ZAN: variants seen among roughly 807,000 people sequenced by gnomAD.
The protein encoded by ZAN is zonadhesin (gene/pseudogene).
A neutral mutation model predicts 286.2 loss-of-function variants in ZAN; 260 were observed. The observed-to-expected ratio is 0.91, with a 90% CI of 0.82 to 1.01. The LOEUF is 1.01. Among genes scored for constraint, ZAN ranks in the 50% least tolerant of loss-of-function variants. The pLI is 0.00. For synonymous variants in ZAN, 1,368 were observed against 1,417.5 expected (o/e 0.97, Z 0.79); for missense variants, 3,410 against 3,639.2 (o/e 0.94, Z 1.62).
intron 45 of ZAN, among the ~76,000 whole-genome samples, chr7:100,795,981 G>A (rs1237835096): frequency 6.6e-6 from 1 of 152,022 alleles, no homozygotes. Flanking sequence ...CTCAGAGGCT[G>A]AGGCACGAGA....
At position 100,773,758 on chromosome 7, in the gene ZAN, G is replaced by A. The variant is rs1307235207; in HGVS notation, c.5672G>A (p.Arg1891Lys). Residue 1891 changes from arginine to lysine, a missense_variant, in exon 31 of 48, where the codon AGG becomes AAG. Transcript: ENST00000613979. ...TGGTACACAGAGAACACCTGCACCAGGCTCTGCACCTGCTCCGTCCACAAC... is the reference window on the plus strand; with the variant it reads ...TGGTACACAGAGAACACCTGCACCAAGCTCTGCACCTGCTCCGTCCACAAC... ...ERWYTENTCT[R>K]LCTCSVHNNI... 6.2e-7 allele frequency: 1 copy of A among 1,611,688 alleles called. No homozygotes were observed. The highest frequency in any genetic ancestry group is 1.3e-5 in the African/African-American group (1 of 74,980).
At chr7:100,757,006 G>A (rs190242885) in intron 15 of ZAN, among the ~76,000 whole-genome samples, 3 of 152,258 alleles carry the variant, frequency 2.0e-5, no homozygotes, top group African/African-American at 7.2e-5. Flanking sequence ...GACCTCAGGC[G>A]ATCCGCCCGC....
intron 37 of ZAN, among the ~76,000 whole-genome samples, chr7:100,787,122 GA>G (rs904672352): frequency 0.016 from 2,353 of 147,974 alleles, 63 homozygotes; most frequent in African/African-American, 0.053. Flanking sequence ...AGTAGGTATT[GA>G]AAAAAAAAAG....
chr7:100,758,271 T>C lies in ZAN; in HGVS notation c.3379T>C (p.Cys1127Arg). Reference sequence around the variant, plus strand: ...CTGCTGGCCCGGCAGTCGGGTCGAGTGCCAGATCTCTCAGTGTGGGACACA... The same window carrying C: ...CTGCTGGCCCGGCAGTCGGGTCGAGCGCCAGATCTCTCAGTGTGGGACACA... ...CRCWPGSRVE[C>R]QISQCGTHTV... Residue 1127 changes from cysteine to arginine, a missense_variant, in exon 16 of 48, where the codon TGC becomes CGC. By Grantham distance (180) the Cys-to-Arg change is radical. This residue lies in a region of ZAN where 1,042 missense variants were observed against 1,058.0 expected (regional missense o/e 0.98). Transcript: ENST00000613979. 6.2e-7 allele frequency: 1 copy of C among 1,613,232 alleles called. No homozygotes were observed. The highest frequency in any genetic ancestry group is 8.5e-7 in the Non-Finnish European group (1 of 1,179,842).
At chr7:100,776,338 G>C (rs1810783902) in intron 33 of ZAN, 102 bp from the exon 34 acceptor site, 5 of 1,113,534 alleles carry the variant, frequency 4.5e-6, no homozygotes, top group South Asian at 1.6e-5. Context: ...GGGAGGGAGG[G>C]AGGGAGGAAA....
At chr7:100,734,279 A>C in intron 2 of ZAN, 58 bp downstream of exon 2, 2 of 1,203,534 alleles carry the variant, frequency 1.7e-6, no homozygotes, top group South Asian at 1.4e-5. Context: ...GGCTGTAAGG[A>C]ATATGGAAGG....
chr7:100,778,890 G>C (rs891259666), intron 34 of ZAN, among the ~76,000 whole-genome samples: 1 of 151,844 alleles, frequency 6.6e-6, no homozygotes, highest in Admixed American at 6.6e-5. Context: ...AAAACTAGCC[G>C]GTCATGGTGG....
intron 44 of ZAN, 126 bp downstream of exon 44, chr7:100,794,384 T>C: frequency 7.0e-7 from 1 of 1,431,800 alleles, no homozygotes; most frequent in Non-Finnish European, 9.3e-7. Context: ...TCCCTGCCTT[T>C]GTAGGGAGGG....
intron 24 of ZAN, 48 bp from the exon 25 acceptor site, chr7:100,766,962 C>T (rs756371656): frequency 1.2e-6 from 2 of 1,603,778 alleles, no homozygotes; most frequent in Admixed American, 1.7e-5. Context: ...GTCAAAGCTT[C>T]CGGGGCATGG....
intron 34 of ZAN, 59 bp from the exon 35 acceptor site, chr7:100,779,387 A>C: frequency 1.3e-6 from 2 of 1,497,822 alleles, no homozygotes; most frequent in Non-Finnish European, 1.8e-6. Context: ...AAAGAAAAAA[A>C]AATTTTGTGT....
rs1385248055 is a variant in ZAN, at chr7:100,742,176, C to T, written c.766+3563C>T. The stretch of plus-strand genomic sequence containing the variant: ...GGGGCGGCCGGGCAGAGACGCTCCT[C>T]ACCTCCCAGACGGGGTCTCGGCCGG... On this transcript the variant is annotated intron_variant, in intron 7 of 47. Transcript: ENST00000613979. Among the ~76,000 whole-genome samples the T allele has an allele frequency of 2.1e-5, 2 of 95,936 alleles. 1 individual carries two copies. Among genetic ancestry groups the T allele is most frequent in the African/African-American group, 8.6e-5 (2 of 23,258 alleles). 62.9% of individuals were successfully genotyped at this position (95,936 alleles called of 152,430 possible). A position where few individuals can be genotyped will look rare whatever the true frequency, so the allele number is the denominator to read the frequency against.
chr7:100,757,919 T>TAAA (rs76692637), intron 15 of ZAN, among the ~76,000 whole-genome samples: 82 of 104,970 alleles, frequency 7.8e-4, no homozygotes, highest in African/African-American at 2.5e-3. Context: ...TCCAAAACGT[T>TAAA]AAAAAAAAAA....
At chr7:100,747,521 A>G (rs367891684) in intron 8 of ZAN, 29 bp from the exon 9 acceptor site, 8 of 1,605,232 alleles carry the variant, frequency 5.0e-6, no homozygotes, top group Non-Finnish European at 6.0e-6. Context: ...CCTTAAGCTC[A>G]CTTCTCCTTC....
chr7:100,751,795 A>G lies in ZAN; in HGVS notation c.1690A>G (p.Thr564Ala). Residue 564 changes from threonine (T) to alanine (A), a missense_variant, in exon 14 of 48, where the codon ACA becomes GCA. Thr to Ala is a moderately conservative substitution (Grantham distance 58). Coordinates refer to ENST00000613979, the MANE Select transcript of ZAN (RefSeq NM_003386.3). ...AACCACTGGCCTCACAGAAAACCCT[A>G]CAATCTCCACCAAGAAACCTACAGT... ...SETTGLTENP[T>A]ISTKKPTVSI... 2 of 1,613,198 alleles carry G rather than the reference A, an allele frequency of 1.2e-6. No homozygotes were observed. Among genetic ancestry groups the G allele is most frequent in the Non-Finnish European group, 1.7e-6 (2 of 1,179,718 alleles).
At chr7:100,767,342 C>G (rs1267733106) in intron 25 of ZAN, 85 bp downstream of exon 25, 9 of 1,534,900 alleles carry the variant, frequency 5.9e-6, no homozygotes, top group Admixed American at 1.9e-5. Context: ...CGGATGCCCA[C>G]CTCTCTGGCT....
At chr7:100,776,602 T>C in intron 34 of ZAN, 38 bp downstream of exon 34, 1 of 1,463,606 alleles carries the variant, frequency 6.8e-7, no homozygotes, top group South Asian at 1.4e-5. Context: ...TTTCTTTCTT[T>C]TTCTTTCTTT....
At chr7:100,749,432 A>T (rs1410022706) in intron 11 of ZAN, among the ~76,000 whole-genome samples, 3 of 151,600 alleles carry the variant, frequency 2.0e-5, no homozygotes, top group South Asian at 2.1e-4. Context: ...CAAGGTCAGG[A>T]GATCGAGACC....
At chr7:100,741,710 C>T (rs1168916812) in intron 7 of ZAN, among the ~76,000 whole-genome samples, 3 of 18,226 alleles carry the variant, frequency 1.6e-4, no homozygotes, top group African/African-American at 3.7e-4. Context: ...CCCTCACCTC[C>T]CAGACGGGGC....
rs138563581 is a variant in ZAN, at chr7:100,750,793, C to G, written c.1418C>G (p.Ala473Gly). Residue 473 changes from alanine (A) to glycine (G), a missense_variant, in exon 12 of 48, where the codon GCG becomes GGG. Physicochemically the swap from Ala to Gly is moderately conservative, Grantham distance 60 (BLOSUM62 0). Coordinates refer to ENST00000613979, the MANE Select transcript of ZAN (RefSeq NM_003386.3). ...CTCGAACTCCTCCTGGGAAGTCCTG[C>G]GGGGAGTCCCCCGATTCCTCTCTGG... Reference protein sequence around the residue: ...TMLELLLGSPAGSPPIPLWKR... With the variant: ...TMLELLLGSPGGSPPIPLWKR... 3 of 1,610,704 alleles carry G rather than the reference C, an allele frequency of 1.9e-6. No individual in the cohort carries two copies. In the Admixed American group the frequency reaches 5.0e-5, roughly 27 times the overall value.
Sources: gnomAD v4.1 joint callset for allele counts (sites outside exome capture counted in the v4.1 genomes callset) on GRCh38, gnomAD v4.1.1 for gene constraint, gnomAD v4.1.1 regional missense constraint, MANE v1.5 for transcripts, NCBI Gene and HGNC (gene_info 2026-07-23, HGNC 2026-07-21) for gene names.